Variants in MAML2 observed in about 807,000 individuals in gnomAD.
MAML2 encodes mastermind like transcriptional coactivator 2, also known as mastermind-like protein 2.
In MAML2, 22 loss-of-function variants were observed where a neutral mutation model predicts 96.1. The ratio of observed to expected loss-of-function variants is 0.23; its 90% confidence interval spans 0.16 to 0.33. MAML2 has a LOEUF of 0.33. Ranked by LOEUF, MAML2 falls within the 10% of genes least tolerant of loss-of-function variation. The probability of loss-of-function intolerance (pLI) is 1.00; values close to 1 mark genes in which losing one functional copy is unlikely to be tolerated. For missense variants in MAML2, 1,367 were observed against 1,392.4 expected, an observed-to-expected ratio of 0.98 and a Z score of 0.29; for synonymous variants, 561 against 521.3, an observed-to-expected ratio of 1.08 and a Z score of -1.04.
chr11:96,044,948 A>T (rs765838437), intron 2 of MAML2, among the ~76,000 whole-genome samples: 2 of 152,180 alleles, frequency 1.3e-5, no homozygotes, highest in African/African-American at 4.8e-5. Context: ...TCTCTTGATC[A>T]TGCACACTCT....
intron 1 of MAML2, among the ~76,000 whole-genome samples, chr11:96,154,957 A>G (rs1386244844): frequency 1.3e-5 from 2 of 152,036 alleles, no homozygotes; most frequent in East Asian, 3.9e-4. Context: ...TTGGCTCCTG[A>G]TTCACTGTGC....
At chr11:96,289,629 A>C (rs1354200054) in intron 1 of MAML2, among the ~76,000 whole-genome samples, 2 of 152,240 alleles carry the variant, frequency 1.3e-5, no homozygotes, top group Non-Finnish European at 2.9e-5. Context: ...TATTTAAATT[A>C]ATAAAAATTC....
At chr11:96,041,680 C>G (rs1858813503) in intron 2 of MAML2, among the ~76,000 whole-genome samples, 1 of 151,708 alleles carries the variant, frequency 6.6e-6, no homozygotes, top group African/African-American at 2.4e-5. Flanking sequence ...CAAGAGTGTG[C>G]CTGATGTATG....
chr11:96,012,548 C>G (rs370727845), intron 2 of MAML2, among the ~76,000 whole-genome samples: 2 of 152,104 alleles, frequency 1.3e-5, no homozygotes, highest in East Asian at 3.9e-4. Flanking sequence ...GTGCACATGT[C>G]TTGACTTTTA....
At chr11:96,080,746 C>T (rs1408824951) in intron 2 of MAML2, among the ~76,000 whole-genome samples, 1 of 152,162 alleles carries the variant, frequency 6.6e-6, no homozygotes, top group Non-Finnish European at 1.5e-5. Flanking sequence ...GTTTTTTCTT[C>T]ATGGTGATTT....
At chr11:96,240,499 C>T (rs1016331596) in intron 1 of MAML2, among the ~76,000 whole-genome samples, 2 of 126,190 alleles carry the variant, frequency 1.6e-5, no homozygotes, top group East Asian at 2.7e-4. Context: ...TGCAGTGAGC[C>T]GAGATTGCGC....
chr11:96,338,368 A>C (rs969226073), intron 1 of MAML2, among the ~76,000 whole-genome samples: 1 of 152,250 alleles, frequency 6.6e-6, no homozygotes, highest in Non-Finnish European at 1.5e-5. Flanking sequence ...CTTGTACTTG[A>C]GCTAAATGAA....
chr11:96,325,971 C>T (rs1863770305), intron 1 of MAML2, among the ~76,000 whole-genome samples: 1 of 152,012 alleles, frequency 6.6e-6, no homozygotes, highest in East Asian at 1.9e-4. Context: ...CCCAGATTTG[C>T]TTTCTTTTAA....
At position 95,976,725 on chromosome 11, in the gene MAML2, C is replaced by T. The variant is rs1486210786; in HGVS notation, c.*2223G>A. The T allele has an allele frequency of 1.1e-5, 2 of 180,952 alleles. No individual in the cohort carries two copies. Among genetic ancestry groups the T allele is most frequent in the African/African-American group, 4.7e-5 (2 of 42,406 alleles). The allele number at this position is 180,952 out of a possible 1,614,324, so 11.2% of individuals were successfully genotyped here. A position where few individuals can be genotyped will look rare whatever the true frequency, so the allele number is the denominator to read the frequency against. ...TATCTCTTAAATTTGATAACTACTACAAAACATACTATTTATGTTAGGGTA... is the reference window on the plus strand; with the variant it reads ...TATCTCTTAAATTTGATAACTACTATAAAACATACTATTTATGTTAGGGTA... On this transcript the variant is annotated 3_prime_UTR_variant, in exon 5 of 5. Transcript: ENST00000524717.
At chr11:96,072,950 CA>C (rs1440624890) in intron 2 of MAML2, among the ~76,000 whole-genome samples, 1 of 152,156 alleles carries the variant, frequency 6.6e-6, no homozygotes. Flanking sequence ...GACCTCAGTC[CA>C]AACCCCTTCT....
intron 3 of MAML2, among the ~76,000 whole-genome samples, chr11:95,987,135 C>T (rs534386646): frequency 6.6e-6 from 1 of 152,258 alleles, no homozygotes; most frequent in African/African-American, 2.4e-5. Context: ...AAAGTAAAGT[C>T]AATTCTAACT....
chr11:96,138,123 T>C (rs1280304372), intron 1 of MAML2, among the ~76,000 whole-genome samples: 4 of 152,216 alleles, frequency 2.6e-5, no homozygotes, highest in Non-Finnish European at 5.9e-5. Flanking sequence ...TTCCGGTTTT[T>C]TGTATACCTC....
At chr11:96,268,766 GC>G (rs1862867947) in intron 1 of MAML2, among the ~76,000 whole-genome samples, 1 of 108,362 alleles carries the variant, frequency 9.2e-6, no homozygotes, top group African/African-American at 4.1e-5. Flanking sequence ...GAGTTCCCCT[GC>G]ACACGATCTG....
At chr11:96,117,921 T>TAC (rs1212147636) in intron 1 of MAML2, among the ~76,000 whole-genome samples, 2 of 152,196 alleles carry the variant, frequency 1.3e-5, no homozygotes, top group African/African-American at 4.8e-5. Context: ...TTTATATATA[T>TAC]ACAGATCAAA....
intron 1 of MAML2, among the ~76,000 whole-genome samples, chr11:96,224,028 C>T (rs1008338391): frequency 1.3e-5 from 2 of 152,200 alleles, no homozygotes; most frequent in African/African-American, 4.8e-5. Flanking sequence ...TTTATATTAT[C>T]TTTGGAGTTA....
Position 96,213,888 on chromosome 11 carries a change from T to C in MAML2, c.514-120371A>G, listed in dbSNP as rs149091310. On this transcript the variant is annotated intron_variant, in intron 1 of 4. Transcript: ENST00000524717. Reference sequence around the variant, plus strand: ...AGTGGTCGGTTCCCTGGGTAAGATGTGAAATACTTGGCAGTCTCCAGACGA... The same window carrying C: ...AGTGGTCGGTTCCCTGGGTAAGATGCGAAATACTTGGCAGTCTCCAGACGA... Among the ~76,000 whole-genome samples, 347 of 152,284 alleles carry C rather than the reference T, an allele frequency of 2.3e-3. 2 individuals carry two copies. The highest frequency in any genetic ancestry group is 8.0e-3 in the African/African-American group (334 of 41,534).
rs374801746 is a variant in MAML2 at position 96,341,746 on chromosome 11, G to A, written c.150C>T (p.His50=). Residue 50 remains histidine, a synonymous_variant, in exon 1 of 5, where the codon CAC becomes CAT. Coordinates refer to ENST00000524717, the MANE Select transcript of MAML2 (RefSeq NM_032427.4). The part of the protein sequence containing the change: ...LRARIAVCRQ[H]HLSCEGRYER... ...CATATCGTCCTTCACAGCTCAGGTGGTGTTGGCGGCAGACAGCGATCCGAG... is the reference window on the plus strand; with the variant it reads ...CATATCGTCCTTCACAGCTCAGGTGATGTTGGCGGCAGACAGCGATCCGAG... The A allele has an allele frequency of 2.5e-5, 40 of 1,613,024 alleles. No individual in the cohort carries two copies. The highest frequency in any genetic ancestry group is 2.7e-5 in the African/African-American group (2 of 74,926).
chr11:96,200,126 T>C (rs576237654), intron 1 of MAML2, among the ~76,000 whole-genome samples: 5 of 152,356 alleles, frequency 3.3e-5, no homozygotes, highest in Admixed American at 6.5e-5. Context: ...TTATCACCTT[T>C]GGAACACAGT....
At chr11:96,016,741 TA>T (rs764215722) in intron 2 of MAML2, among the ~76,000 whole-genome samples, 17 of 152,274 alleles carry the variant, frequency 1.1e-4, no homozygotes, top group South Asian at 8.3e-4. Context: ...TTAGGGACAT[TA>T]AAAAAGGGTC....
Sources: allele counts gnomAD v4.1 joint callset (sites outside exome capture counted in the v4.1 genomes callset), GRCh38; gene constraint gnomAD v4.1.1; transcripts MANE v1.5; gene names NCBI Gene and HGNC (gene_info 2026-07-23, HGNC 2026-07-21).